Variants in PTPRT observed in about 807,000 individuals in gnomAD.
The protein encoded by PTPRT is protein tyrosine phosphatase receptor type T.
PTPRT carries 56 observed loss-of-function variants against 176.8 expected under a neutral mutation model. The observed-to-expected ratio is 0.32, with a 90% confidence interval of 0.26 to 0.40. The LOEUF (loss-of-function observed/expected upper bound fraction) is 0.40, where lower values mean the gene tolerates loss of function less well. Ranked by LOEUF, PTPRT falls within the 10% of genes least tolerant of loss-of-function variation. The pLI is 1.00. For missense variants in PTPRT, 1,540 were observed against 1,908.2 expected, an observed-to-expected ratio of 0.81 and a Z score of 3.60; for synonymous variants, 783 against 739.0, an observed-to-expected ratio of 1.06 and a Z score of -0.96.
intron 9 of PTPRT, among the ~76,000 whole-genome samples, chr20:42,410,375 T>C (rs1391681331): frequency 3.3e-5 from 5 of 151,858 alleles, no homozygotes; most frequent in Non-Finnish European, 5.9e-5. Context: ...TATGTACAAA[T>C]GCACCTAACA....
chr20:42,986,407 G>A (rs1053156410), intron 1 of PTPRT, among the ~76,000 whole-genome samples: 1 of 152,144 alleles, frequency 6.6e-6, no homozygotes, highest in Non-Finnish European at 1.5e-5. Context: ...GATGAAAATA[G>A]ACCTAAGCAT....
chr20:42,441,427 G>C (rs1024779940), intron 9 of PTPRT, among the ~76,000 whole-genome samples: 1 of 152,218 alleles, frequency 6.6e-6, no homozygotes, highest in African/African-American at 2.4e-5. Context: ...AAGCTGGACT[G>C]CAGTAAGCAA....
At chr20:42,509,641 G>C (rs2071918258) in intron 7 of PTPRT, among the ~76,000 whole-genome samples, 1 of 147,040 alleles carries the variant, frequency 6.8e-6, no homozygotes, top group South Asian at 2.1e-4. Flanking sequence ...TATACTCACT[G>C]TATGTCATTC....
intron 1 of PTPRT, among the ~76,000 whole-genome samples, chr20:43,128,163 G>A (rs2013514641): frequency 6.6e-6 from 1 of 152,230 alleles, no homozygotes; most frequent in Non-Finnish European, 1.5e-5. Flanking sequence ...GAGAAGCAGA[G>A]CAAGTCTGCA....
At chr20:42,039,238 A>G in the PTPRT span, among the ~76,000 whole-genome samples, 1 of 152,206 alleles carries the variant, frequency 6.6e-6, no homozygotes, top group Non-Finnish European at 1.5e-5. Context: ...TAAAAATTGT[A>G]TATATTTATG....
chr20:42,783,874 G>A lies in PTPRT; in HGVS notation c.487-3575C>T, dbSNP rs189233961. 1.9e-3 allele frequency among the ~76,000 whole-genome samples: 284 copies of A among 152,224 alleles called. 3 individuals carry two copies. Among genetic ancestry groups the A allele is most frequent in the African/African-American group, 6.6e-3 (273 of 41,540 alleles). On this transcript the variant is annotated intron_variant, in intron 3 of 30. Coordinates refer to ENST00000373187, the MANE Select transcript of PTPRT (RefSeq NM_007050.6). The stretch of plus-strand genomic sequence containing the variant: ...CTTCAGGAGGCAGGGGAGTAGGGAT[G>A]GGATGTCTTCAGGAGGCAGGCCATG...
downstream of PTPRT, among the ~76,000 whole-genome samples, chr20:42,071,952 C>T (rs1982359317): frequency 6.6e-6 from 1 of 152,196 alleles, no homozygotes; most frequent in Non-Finnish European, 1.5e-5. Context: ...GCCACCATGC[C>T]TGGCCAACTT....
intron 1 of PTPRT, among the ~76,000 whole-genome samples, chr20:43,132,119 C>T (rs2013663351): frequency 6.6e-6 from 1 of 151,958 alleles, no homozygotes. Context: ...AGCAAGAATG[C>T]CCATTATCAC....
At chr20:42,882,659 T>C (rs1027348236) in intron 2 of PTPRT, among the ~76,000 whole-genome samples, 2 of 152,224 alleles carry the variant, frequency 1.3e-5, no homozygotes, top group African/African-American at 2.4e-5. Context: ...TCCAACAAAT[T>C]GCTAATTTAG....
chr20:43,052,535 G>A (rs576190535), intron 1 of PTPRT, among the ~76,000 whole-genome samples: 1 of 152,290 alleles, frequency 6.6e-6, no homozygotes, highest in African/African-American at 2.4e-5. Flanking sequence ...GAACTTCAAT[G>A]GGTGTGTTTA....
chr20:43,014,138 A>G (rs1985265205), intron 1 of PTPRT, among the ~76,000 whole-genome samples: 1 of 152,152 alleles, frequency 6.6e-6, no homozygotes, highest in Non-Finnish European at 1.5e-5. Context: ...AAACACATCT[A>G]TTCTCTCATT....
At chr20:42,051,045 C>T in the PTPRT span, among the ~76,000 whole-genome samples, 11 of 152,220 alleles carry the variant, frequency 7.2e-5, no homozygotes, top group African/African-American at 2.7e-4. Flanking sequence ...ATGTATTACC[C>T]AGGAATGGCT....
chr20:43,041,281 T>C (rs1417924965), intron 1 of PTPRT, among the ~76,000 whole-genome samples: 2 of 152,248 alleles, frequency 1.3e-5, no homozygotes, highest in African/African-American at 4.8e-5. Flanking sequence ...CTTTTTAATG[T>C]ATTGCTTGTG....
chr20:42,100,070 C>T (rs537324983), intron 26 of PTPRT, among the ~76,000 whole-genome samples: 109 of 152,232 alleles, frequency 7.2e-4, no homozygotes, highest in African/African-American at 2.5e-3. Flanking sequence ...ATACTCTGAC[C>T]CCGAGGACCT....
intron 1 of PTPRT, among the ~76,000 whole-genome samples, chr20:43,170,071 G>C (rs189376055): frequency 6.6e-6 from 1 of 151,856 alleles, no homozygotes; most frequent in East Asian, 1.9e-4. Flanking sequence ...CCCACCCACC[G>C]GTGTTGATGT....
chr20:42,088,910 AT>A (rs1984308543), intron 27 of PTPRT, among the ~76,000 whole-genome samples: 1 of 152,220 alleles, frequency 6.6e-6, no homozygotes, highest in African/African-American at 2.4e-5. Context: ...GATTCATACC[AT>A]TGTTGAATCC....
chr20:42,632,185 A>T (rs1009185001), intron 7 of PTPRT, among the ~76,000 whole-genome samples: 2 of 152,042 alleles, frequency 1.3e-5, no homozygotes, highest in Non-Finnish European at 2.9e-5. Context: ...CATTGCTGGC[A>T]CAACCCCAAG....
rs144624104 is a variant in PTPRT, at chr20:42,708,895, C to T, written c.860-30736G>A. 2.2e-3 allele frequency among the ~76,000 whole-genome samples: 337 copies of T among 152,284 alleles called. 1 individual carries two copies. Among genetic ancestry groups the T allele is most frequent in the Admixed American group, 4.8e-3 (73 of 15,300 alleles). ...GGAATGTTGCTAGCATTGGCATTAA[C>T]GAGCAGAATTACACTGTTAAAGGTC... is the stretch of plus-strand genomic sequence containing the variant. On this transcript the variant is annotated intron_variant, in intron 6 of 30. Coordinates refer to ENST00000373187, the MANE Select transcript of PTPRT (RefSeq NM_007050.6).
At chr20:42,672,571 T>C (rs1173555361) in intron 7 of PTPRT, among the ~76,000 whole-genome samples, 4 of 152,234 alleles carry the variant, frequency 2.6e-5, no homozygotes, top group Non-Finnish European at 5.9e-5. Flanking sequence ...TTTGACTCCC[T>C]ACTCCCAACC....
Sources: gnomAD v4.1 joint callset for allele counts (sites outside exome capture counted in the v4.1 genomes callset) on GRCh38, gnomAD v4.1.1 for gene constraint, MANE v1.5 for transcripts, NCBI Gene and HGNC (gene_info 2026-07-23, HGNC 2026-07-21) for gene names.